The following DMD variants were observed in gnomAD, a reference collection of about 807,000 sequenced individuals.
The protein encoded by DMD is dystrophin, also known as mutant dystrophin.
A neutral mutation model predicts 330.1 loss-of-function variants in DMD; 63 were observed. The observed-to-expected ratio is 0.19, with a 90% CI of 0.16 to 0.24. The LOEUF (loss-of-function observed/expected upper bound fraction) is 0.24. DMD is among the 10% of genes least tolerant of loss of function. The pLI is 1.00. For synonymous variants in DMD, 1,223 were observed against 959.8 expected (o/e 1.27, Z -5.07); for missense variants, 3,344 against 2,684.1 (o/e 1.25, Z -5.43).
rs758035070 is a variant in DMD, at chrX:32,645,099, T to C, written c.1014A>G (p.Glu338=). The stretch of plus-strand genomic sequence containing the variant: ...CTGTTTGATAACGGTCCAGGTTTAC[T>C]TCACTCTCCATCAATGAACTGCCAA... ...KSFGSSLMES[E]VNLDRYQTAL... is the part of the protein sequence containing the mutation. Residue 338 remains glutamate (E), a synonymous_variant, in exon 10 of 79, where the codon GAA becomes GAG. Transcript: ENST00000357033. 17 of 1,210,104 alleles carry C rather than the reference T, an allele frequency of 1.4e-5. No homozygotes were observed. In the Admixed American group the frequency reaches 3.7e-4, roughly 26 times the overall value.
At chrX:33,271,520 A>G (rs1009645737) in intron 1 of DMD, among the ~76,000 whole-genome samples, 1 of 111,332 alleles carries the variant, frequency 9.0e-6, no homozygotes, top group Non-Finnish European at 1.9e-5. Flanking sequence ...TAATTCCAGC[A>G]CTTTGGGAGG....
intron 44 of DMD, among the ~76,000 whole-genome samples, chrX:32,156,631 TACACACACACACAC>T (rs747490085): frequency 8.5e-5 from 8 of 94,055 alleles, no homozygotes; most frequent in Admixed American, 4.7e-4. Flanking sequence ...GACAAAAGGA[TACACACACACACAC>T]ACACACACAC....
intron 44 of DMD, among the ~76,000 whole-genome samples, chrX:32,102,391 T>C (rs745858492): frequency 9.0e-6 from 1 of 111,713 alleles, no homozygotes; most frequent in African/African-American, 3.2e-5. Context: ...TAGTTTCCTG[T>C]ATTGTTCCTA....
Position 32,486,658 on chromosome X carries a change from G to C in DMD, c.2623-1559C>G, listed in dbSNP as rs764694710. ...GTACTGGTACCAAAACAGAGATATA[G>C]ATCAATGGAACAGAACAGAGCCCTC... On this transcript the variant is annotated intron_variant, in intron 20 of 78. Coordinates refer to ENST00000357033, the MANE Select transcript of DMD (RefSeq NM_004006.3). Among the ~76,000 whole-genome samples the C allele has an allele frequency of 4.1e-3, 443 of 107,564 alleles. 2 individuals carry two copies. The highest frequency in any genetic ancestry group is 0.013 in the African/African-American group (382 of 29,656). The allele number at this position is 107,564 out of a possible 115,157, so 93.4% of individuals were successfully genotyped here. A position where few individuals can be genotyped will look rare whatever the true frequency, so the allele number is the denominator to read the frequency against.
chrX:33,301,615 G>C (rs1260024504), intron 1 of DMD, among the ~76,000 whole-genome samples: 1 of 111,869 alleles, frequency 8.9e-6, no homozygotes, highest in Non-Finnish European at 1.9e-5. Context: ...CAGTTCTGTA[G>C]GCTGGTGAGG....
intron 1 of DMD, among the ~76,000 whole-genome samples, chrX:33,151,137 A>C (rs1374075212): frequency 1.8e-5 from 2 of 112,514 alleles, no homozygotes; most frequent in African/African-American, 6.5e-5. Flanking sequence ...GTATTTTTGA[A>C]TGGATAAACA....
intron 49 of DMD, among the ~76,000 whole-genome samples, chrX:31,831,723 C>A (rs375607689): frequency 2.7e-5 from 3 of 110,774 alleles, no homozygotes; most frequent in African/African-American, 9.9e-5. Context: ...CTCAGCCTCC[C>A]GAGTAGCTGG....
intron 42 of DMD, among the ~76,000 whole-genome samples, chrX:32,309,610 A>G (rs765682858): frequency 9.0e-5 from 10 of 111,371 alleles, no homozygotes; most frequent in East Asian, 5.7e-4. Flanking sequence ...TTTCTATTCA[A>G]TTTTATTCCA....
chrX:32,732,438 G>A (rs1187565863), intron 7 of DMD, among the ~76,000 whole-genome samples: 6 of 110,199 alleles, frequency 5.4e-5, no homozygotes, highest in African/African-American at 1.7e-4. Flanking sequence ...CTCGAGAAGA[G>A]CAACTCCAAG....
intron 44 of DMD, among the ~76,000 whole-genome samples, chrX:32,123,243 A>ATATATATATATATATATAT (rs1491535545): frequency 8.6e-4 from 71 of 82,853 alleles, no homozygotes; most frequent in Non-Finnish European, 1.2e-3. Flanking sequence ...ATATATATAT[A>ATATATATATATATATATAT]AATGATCAAA....
chrX:32,693,859 T>A (rs187591515), intron 9 of DMD, among the ~76,000 whole-genome samples: 1 of 111,457 alleles, frequency 9.0e-6, no homozygotes, highest in Non-Finnish European at 1.9e-5. Flanking sequence ...ACCACTGAAA[T>A]TGTTCTTATT....
chrX:31,845,673 T>TGTG (rs1308118167), intron 48 of DMD, among the ~76,000 whole-genome samples: 1 of 110,346 alleles, frequency 9.1e-6, no homozygotes, highest in Non-Finnish European at 1.9e-5. Context: ...ATTCCTATGT[T>TGTG]GTGGATAAAG....
chrX:33,323,971 T>C (rs2054051560), intron 1 of DMD, among the ~76,000 whole-genome samples: 1 of 111,811 alleles, frequency 8.9e-6, no homozygotes, highest in Non-Finnish European at 1.9e-5. Context: ...AAAATTGGTG[T>C]GTCACTTCTG....
chrX:31,179,858 A>T (rs1300930672), intron 69 of DMD, among the ~76,000 whole-genome samples: 1 of 112,217 alleles, frequency 8.9e-6, no homozygotes, highest in Non-Finnish European at 1.9e-5. Context: ...AAATCATAGT[A>T]CTTATTTTAC....
intron 44 of DMD, among the ~76,000 whole-genome samples, chrX:32,176,588 C>T (rs760387499): frequency 4.6e-4 from 51 of 111,255 alleles, no homozygotes; most frequent in South Asian, 1.9e-3. Flanking sequence ...AAAGTGGGGA[C>T]GGTGGAGTCA....
chrX:31,727,848 G>A (rs1422257512), intron 52 of DMD, among the ~76,000 whole-genome samples: 3 of 112,330 alleles, frequency 2.7e-5, no homozygotes, highest in African/African-American at 9.7e-5. Flanking sequence ...AAGAAGACAT[G>A]TCTTTAGGAA....
chrX:32,003,536 T>C (rs1486815680), intron 44 of DMD, among the ~76,000 whole-genome samples: 1 of 111,380 alleles, frequency 9.0e-6, no homozygotes, highest in African/African-American at 3.3e-5. Flanking sequence ...AATTGCTGAA[T>C]AAATTATGGG....
intron 2 of DMD, among the ~76,000 whole-genome samples, chrX:32,991,643 T>C (rs2092980557): frequency 8.9e-6 from 1 of 112,163 alleles, no homozygotes; most frequent in Non-Finnish European, 1.9e-5. Flanking sequence ...TGTATACTTT[T>C]TTTATTGGTA....
intron 60 of DMD, among the ~76,000 whole-genome samples, chrX:31,421,419 G>T (rs1202793612): frequency 9.0e-6 from 1 of 110,955 alleles, no homozygotes; most frequent in East Asian, 2.8e-4. Context: ...TTTTATTCTA[G>T]GTGAATTTTA....
Sources: allele counts gnomAD v4.1 joint callset (sites outside exome capture counted in the v4.1 genomes callset), GRCh38; gene constraint gnomAD v4.1.1; transcripts MANE v1.5; gene names NCBI Gene and HGNC (gene_info 2026-07-23, HGNC 2026-07-21).